The following PAXBP1 variants were observed in gnomAD, a reference collection of about 807,000 sequenced individuals.
PAXBP1 encodes PAX3- and PAX7-binding protein 1.
PAXBP1 carries 44 observed loss-of-function variants against 119.9 expected under a neutral mutation model. The ratio of observed to expected loss-of-function variants is 0.37; its 90% CI spans 0.29 to 0.47. The LOEUF is 0.47. Among genes scored for constraint, PAXBP1 ranks in the 20% least tolerant of loss-of-function variants. The probability of loss-of-function intolerance (pLI) is 0.99; values close to 1 mark genes in which losing one functional copy is unlikely to be tolerated. For missense variants in PAXBP1, 898 were observed against 1,134.1 expected, an observed-to-expected ratio of 0.79 and a Z score of 2.99; for synonymous variants, 393 against 406.6, an observed-to-expected ratio of 0.97 and a Z score of 0.40.
At chr21:32,755,395 C>T in intron 7 of PAXBP1, 42 bp from the exon 8 acceptor site, 1 of 1,591,130 alleles carries the variant, frequency 6.3e-7, no homozygotes, top group Non-Finnish European at 8.5e-7. Flanking sequence ...AACTCCTCAG[C>T]TGCTTATTTA....
rs2043667183 is a variant in PAXBP1, at chr21:32,734,680, A to G, written c.*270T>C. 6 of 445,882 alleles carry G rather than the reference A, an allele frequency of 1.3e-5. No homozygotes were observed. The highest frequency in any genetic ancestry group is 2.4e-5 in the Non-Finnish European group (6 of 247,544). 27.6% of individuals were successfully genotyped at this position (445,882 alleles called of 1,614,324 possible). ...CTGCACACATCGTTTACAGGGGACA[A>G]TTAACTGAGAGGGTTAATTTAAATG... On this transcript the variant is annotated 3_prime_UTR_variant, in exon 18 of 18. Transcript: ENST00000331923.
chr21:32,749,633 G>A (rs139594626), intron 10 of PAXBP1, among the ~76,000 whole-genome samples: 1,557 of 152,124 alleles, frequency 0.01, 11 homozygotes, highest in Non-Finnish European at 0.017. Context: ...CATTTGTCAT[G>A]TGCTTTTAAG....
At position 32,760,400 on chromosome 21, in the gene PAXBP1, C is replaced by A. The variant is rs140639822; in HGVS notation, c.976-406G>T. On this transcript the variant is annotated intron_variant, in intron 5 of 17. Transcript: ENST00000331923. ...TTTCTTAACTTCACCCAAATGTATG[C>A]GAATTCTGCCTCAAAACACTATTAA... Among the ~76,000 whole-genome samples the A allele has an allele frequency of 2.0e-3, 297 of 152,236 alleles. 5 individuals carry two copies. In the East Asian group the frequency reaches 0.045, roughly 23 times the overall value.
chr21:32,766,073 T>C (rs1218972195), intron 2 of PAXBP1, among the ~76,000 whole-genome samples: 2 of 152,172 alleles, frequency 1.3e-5, no homozygotes, highest in South Asian at 2.1e-4. Flanking sequence ...AGGCAGAAGC[T>C]GCAGTGAGGT....
Position 32,737,331 on chromosome 21 carries a change from G to A in PAXBP1, c.2559C>T (p.Cys853=). 2 of 1,608,704 alleles carry A rather than the reference G, an allele frequency of 1.2e-6. No individual in the cohort carries two copies. Among genetic ancestry groups the A allele is most frequent in the Non-Finnish European group, 1.7e-6 (2 of 1,177,264 alleles). Reference sequence around the variant, plus strand: ...TATCCGCTAAGTGTACAAGGTATCGGCAAAAGTTTTCTAACTGAGAAATAG... The same window carrying A: ...TATCCGCTAAGTGTACAAGGTATCGACAAAAGTTTTCTAACTGAGAAATAG... The part of the protein sequence containing the change: ...ERTISQLENF[C]RYLVHLADTI... Residue 853 remains cysteine (C), a synonymous_variant, in exon 17 of 18, where the codon TGC becomes TGT. Coordinates refer to ENST00000331923, the MANE Select transcript of PAXBP1 (RefSeq NM_016631.4).
In PAXBP1 at chr21:32,764,336, T is replaced by C. The variant is rs763545933; in HGVS notation, c.649+12A>G. ...TTTAGTTTAGTTCTGAGAAATACTT[T>C]TGAGTACACACCTGGACGAAGAACA... On this transcript the variant is annotated intron_variant, in intron 3 of 17. Transcript: ENST00000331923. 2 of 1,612,132 alleles carry C rather than the reference T, an allele frequency of 1.2e-6. No homozygotes were observed. The highest frequency in any genetic ancestry group is 8.5e-7 in the Non-Finnish European group (1 of 1,179,232).
At chr21:32,754,955 T>C (rs75195311) in intron 8 of PAXBP1, among the ~76,000 whole-genome samples, 1,819 of 152,268 alleles carry the variant, frequency 0.012, 38 homozygotes, top group African/African-American at 0.041. Flanking sequence ...ATAATGTCTT[T>C]TCTATACTCT....
intron 2 of PAXBP1, among the ~76,000 whole-genome samples, chr21:32,765,670 A>G (rs2044228227): frequency 6.6e-6 from 1 of 151,910 alleles, no homozygotes. Context: ...TAACTTTACC[A>G]AGAAGATTTT....
At chr21:32,756,465 A>T in intron 7 of PAXBP1, 1 of 484,180 alleles carries the variant, frequency 2.1e-6, no homozygotes, top group South Asian at 1.6e-5. Context: ...AAAAGTAGCA[A>T]ATGTTCACAG....
chr21:32,754,382 T>C (rs560687079), intron 8 of PAXBP1, among the ~76,000 whole-genome samples: 1 of 152,200 alleles, frequency 6.6e-6, no homozygotes, highest in South Asian at 2.1e-4. Context: ...ACACTTCCAT[T>C]TGAGAAATGC....
At chr21:32,764,764 G>A (rs112217481) in intron 2 of PAXBP1, among the ~76,000 whole-genome samples, 272 of 152,284 alleles carry the variant, frequency 1.8e-3, no homozygotes, top group Middle Eastern at 6.8e-3. Flanking sequence ...TACAGAGGAT[G>A]TAATAAAGGA....
At chr21:32,763,707 C>T (rs765906417) in intron 3 of PAXBP1, among the ~76,000 whole-genome samples, 1 of 152,058 alleles carries the variant, frequency 6.6e-6, no homozygotes, top group Non-Finnish European at 1.5e-5. Flanking sequence ...GAAATTAGGC[C>T]GGGTGCAGTG....
rs1397619037 is a variant in PAXBP1 at position 32,759,898 on chromosome 21, T to C, written c.1072A>G (p.Thr358Ala). The C allele has an allele frequency of 6.2e-7, 1 of 1,613,830 alleles. No homozygotes were observed. The highest frequency in any genetic ancestry group is 8.5e-7 in the Non-Finnish European group (1 of 1,179,702). ...TTGGCATCTGATGATCCATAGGCCG[T>C]ATAACTATAAGGAATGCCATAGGAT... is the stretch of plus-strand genomic sequence containing the variant. ...GSSYGIPYSY[T>A]AYGSSDAKSQ... The change falls in exon 6 of 18, where the codon ACG becomes GCG. Residue 358 changes from threonine (T) to alanine (A), a missense_variant. Coordinates refer to ENST00000331923, the MANE Select transcript of PAXBP1 (RefSeq NM_016631.4).
chr21:32,768,084 A>C (rs2044273460), intron 2 of PAXBP1, among the ~76,000 whole-genome samples: 1 of 152,226 alleles, frequency 6.6e-6, no homozygotes, highest in Admixed American at 6.5e-5. Context: ...TTGAAATTTA[A>C]TTGCCATTGT....
chr21:32,745,939 A>C (rs1408409192), intron 11 of PAXBP1, among the ~76,000 whole-genome samples: 1 of 152,240 alleles, frequency 6.6e-6, no homozygotes, highest in Non-Finnish European at 1.5e-5. Flanking sequence ...ATGGAACAGA[A>C]TAGAGAACTC....
chr21:32,754,342 T>A (rs1601598207), intron 8 of PAXBP1, among the ~76,000 whole-genome samples: 2 of 152,210 alleles, frequency 1.3e-5, no homozygotes, highest in African/African-American at 2.4e-5. Flanking sequence ...AAAATCTGTA[T>A]GTTAAACGAG....
intron 4 of PAXBP1, 44 bp from the exon 5 acceptor site, chr21:32,761,206 G>A (rs1329618134): frequency 6.9e-7 from 1 of 1,451,338 alleles, no homozygotes; most frequent in Non-Finnish European, 9.7e-7. Flanking sequence ...CACCCAAAGA[G>A]CAAAGAGGTA....
intron 3 of PAXBP1, 138 bp from the exon 4 acceptor site, chr21:32,762,455 G>A (rs2044165625): frequency 1.7e-6 from 2 of 1,179,638 alleles, no homozygotes; most frequent in Non-Finnish European, 2.3e-6. Context: ...CCCATACTAT[G>A]TCTGCAATCC....
chr21:32,755,376 G>A, intron 7 of PAXBP1, 23 bp from the exon 8 acceptor site: 3 of 1,603,506 alleles, frequency 1.9e-6, no homozygotes, highest in Non-Finnish European at 2.6e-6. Context: ...AACACACTCC[G>A]TAACACCAAA....
Sources: allele counts gnomAD v4.1 joint callset (sites outside exome capture counted in the v4.1 genomes callset), GRCh38; gene constraint gnomAD v4.1.1; transcripts MANE v1.5; gene names NCBI Gene and HGNC (gene_info 2026-07-23, HGNC 2026-07-21).